The following PNPLA1 variants were observed in gnomAD, a reference collection of about 807,000 sequenced individuals.
The protein encoded by PNPLA1 is patatin like domain 1, omega-hydroxyceramide transacylase.
Under a neutral mutation model 51.7 loss-of-function variants are expected in PNPLA1, and 36 were observed. That is an observed-to-expected ratio of 0.70 (90% CI 0.53 to 0.92). The LOEUF (loss-of-function observed/expected upper bound fraction) is 0.92. PNPLA1 is among the 40% of genes least tolerant of loss of function. The probability of loss-of-function intolerance (pLI) is 0.00; values close to 1 mark genes in which losing one functional copy is unlikely to be tolerated. For missense variants in PNPLA1, 658 were observed against 682.5 expected, an observed-to-expected ratio of 0.96 and a Z score of 0.40; for synonymous variants, 293 against 280.1, an observed-to-expected ratio of 1.05 and a Z score of -0.46.
chr6:36,247,958 C>G (rs1019045532), intron 1 of PNPLA1, among the ~76,000 whole-genome samples: 5 of 152,160 alleles, frequency 3.3e-5, no homozygotes, highest in Non-Finnish European at 2.9e-5. Context: ...AATTTTACAA[C>G]AGGAAATTGA....
chr6:36,294,112 C>A lies in PNPLA1; in HGVS notation c.505-78C>A. ...GGCCCTTGAAGCTGGTGCCATATCC[C>A]ATGGGCCATTTCGATGTACCCCGAG... On this transcript the variant is annotated intron_variant, in intron 3 of 8. Transcript: ENST00000636260. This position sits in a 1 kb window ranked among gnomAD's most constrained non-coding sequence, Gnocchi z 4.2. 6.5e-7 allele frequency: 1 copy of A among 1,531,170 alleles called. No homozygotes were observed. Among genetic ancestry groups the A allele is most frequent in the South Asian group, 1.2e-5 (1 of 83,300 alleles). The allele number at this position is 1,531,170 out of a possible 1,614,324, so 94.8% of individuals were successfully genotyped here. A position where few individuals can be genotyped will look rare whatever the true frequency, so the allele number is the denominator to read the frequency against.
At chr6:36,259,352 C>T (rs964371668) in intron 1 of PNPLA1, among the ~76,000 whole-genome samples, 57 of 151,976 alleles carry the variant, frequency 3.8e-4, no homozygotes, top group African/African-American at 1.4e-3. Context: ...GGAACTCCTC[C>T]AAAACCATCG....
upstream of PNPLA1, among the ~76,000 whole-genome samples, chr6:36,267,459 G>T (rs11751208): frequency 0.085 from 12,975 of 152,158 alleles, 598 homozygotes; most frequent in Middle Eastern, 0.18. Context: ...GGAGGAGGCT[G>T]TGCGTCATTG....
chr6:36,303,728 A>G (rs1469499960), intron 6 of PNPLA1, among the ~76,000 whole-genome samples: 1 of 152,218 alleles, frequency 6.6e-6, no homozygotes, highest in Non-Finnish European at 1.5e-5. Flanking sequence ...GCTACTTGGG[A>G]GGCTGAGGCA....
intron 1 of PNPLA1, among the ~76,000 whole-genome samples, chr6:36,247,123 C>T (rs1156720731): frequency 6.6e-6 from 1 of 152,164 alleles, no homozygotes; most frequent in East Asian, 1.9e-4. Context: ...TCTTCCAGGG[C>T]TCGGCACTCA....
chr6:36,270,051 C>G (rs773322997), upstream of PNPLA1, among the ~76,000 whole-genome samples: 8 of 152,236 alleles, frequency 5.3e-5, no homozygotes, highest in Non-Finnish European at 1.2e-4. Flanking sequence ...GGGCAGAGCC[C>G]GCCTCCTTGG....
At chr6:36,243,924 A>G (rs911971350) in intron 1 of PNPLA1, among the ~76,000 whole-genome samples, 2 of 152,236 alleles carry the variant, frequency 1.3e-5, no homozygotes, top group African/African-American at 4.8e-5. Context: ...CTTTAAACTC[A>G]TTAGTCTCAA....
At chr6:36,295,449 A>G (rs373122482) in intron 5 of PNPLA1, 25 bp downstream of exon 5, 5 of 1,611,202 alleles carry the variant, frequency 3.1e-6, no homozygotes, top group African/African-American at 1.3e-5. Context: ...GGCCCCAGGT[A>G]AGGGCAGTGT....
chr6:36,286,004 C>T (rs1263828958), intron 1 of PNPLA1, among the ~76,000 whole-genome samples: 2 of 152,154 alleles, frequency 1.3e-5, no homozygotes, highest in African/African-American at 2.4e-5. Flanking sequence ...GATGTGGGGG[C>T]AGGGATCACT....
At chr6:36,286,059 T>C (rs1282074563) in intron 1 of PNPLA1, among the ~76,000 whole-genome samples, 1 of 152,264 alleles carries the variant, frequency 6.6e-6, no homozygotes, top group African/African-American at 2.4e-5. Context: ...ATCATCAAAA[T>C]GCCTTGTCAC....
rs1711835214 is a variant in PNPLA1 at position 36,294,144 on chromosome 6, T to G, written c.505-46T>G. ...CATTTCGATGTACCCCGAGTGGGGC[T>G]GAGAACTCTGGCCCCAAGTGGGCAT... On this transcript the variant is annotated intron_variant, in intron 3 of 8. Transcript: ENST00000636260. This position sits in a 1 kb window ranked among gnomAD's most constrained non-coding sequence, Gnocchi z 4.2. 3 of 1,605,016 alleles carry G rather than the reference T, an allele frequency of 1.9e-6. No homozygotes were observed. The highest frequency in any genetic ancestry group is 2.6e-6 in the Non-Finnish European group (3 of 1,173,692).
intron 1 of PNPLA1, among the ~76,000 whole-genome samples, chr6:36,262,697 T>C (rs1769678575): frequency 1.3e-5 from 2 of 152,240 alleles, no homozygotes; most frequent in South Asian, 4.1e-4. Flanking sequence ...TAGCATACTA[T>C]ATTGCCTGAA....
intron 1 of PNPLA1, among the ~76,000 whole-genome samples, chr6:36,252,722 A>G (rs1769450131): frequency 6.6e-6 from 1 of 152,294 alleles, no homozygotes; most frequent in East Asian, 1.9e-4. Context: ...GACATGAAGC[A>G]TGGCTGAGCT....
At chr6:36,300,543 T>C (rs1036133659) in intron 5 of PNPLA1, among the ~76,000 whole-genome samples, 2 of 152,124 alleles carry the variant, frequency 1.3e-5, no homozygotes, top group African/African-American at 4.8e-5. Context: ...CGTCCCTCAG[T>C]TGGGGTTTGT....
At chr6:36,305,206 TC>T (rs1771193720) in intron 6 of PNPLA1, among the ~76,000 whole-genome samples, 1 of 152,210 alleles carries the variant, frequency 6.6e-6, no homozygotes, top group Admixed American at 6.5e-5. Context: ...TTTTTTCAGC[TC>T]ATCAGCTATC....
At chr6:36,281,836 A>G (rs1770291563) in intron 1 of PNPLA1, among the ~76,000 whole-genome samples, 1 of 152,022 alleles carries the variant, frequency 6.6e-6, no homozygotes, top group South Asian at 2.1e-4. Flanking sequence ...CCTGGCCAAC[A>G]TGGTGAAACC....
intron 8 of PNPLA1, 56 bp from the exon 9 acceptor site, chr6:36,311,707 T>TTCTCCCTTTTG (rs142217907): frequency 0.015 from 2,217 of 152,734 alleles, 40 homozygotes; most frequent in East Asian, 0.053. Context: ...GGTCTTCTGA[T>TTCTCCCTTTTG]TCTCCCTTTT....
At chr6:36,249,764 G>C (rs949885169) in intron 1 of PNPLA1, among the ~76,000 whole-genome samples, 8 of 152,188 alleles carry the variant, frequency 5.3e-5, no homozygotes, top group Admixed American at 3.9e-4. Context: ...TTACTAGCTG[G>C]TAAGTGAACA....
intron 5 of PNPLA1, among the ~76,000 whole-genome samples, chr6:36,297,960 G>C (rs897425878): frequency 6.6e-6 from 1 of 151,732 alleles, no homozygotes. Flanking sequence ...ATGCCCTTTC[G>C]TGATCCCTCC....
Sources: allele counts gnomAD v4.1 joint callset (sites outside exome capture counted in the v4.1 genomes callset), GRCh38; gene constraint gnomAD v4.1.1; non-coding constraint Gnocchi (gnomAD v3.1); transcripts MANE v1.5; gene names NCBI Gene and HGNC (gene_info 2026-07-23, HGNC 2026-07-21).